Variants in GLIS3 observed in about 807,000 individuals in gnomAD.
The protein encoded by GLIS3 is zinc finger protein GLIS3.
GLIS3 carries 53 observed loss-of-function variants against 78.6 expected under a neutral mutation model. That is an observed-to-expected ratio of 0.67 (90% CI 0.54 to 0.85). The LOEUF (loss-of-function observed/expected upper bound fraction) is 0.85. Ranked by LOEUF, GLIS3 falls within the 40% of genes least tolerant of loss-of-function variation. The pLI, the probability that GLIS3 is intolerant of heterozygous loss-of-function variation, is 0.00. For missense variants in GLIS3, 1,703 were observed against 1,231.1 expected (o/e 1.38, Z -5.74); for synonymous variants, 684 against 509.9 (o/e 1.34, Z -4.60).
chr9:4,488,580 C>G, the GLIS3 span, among the ~76,000 whole-genome samples: 1 of 151,860 alleles, frequency 6.6e-6, no homozygotes, highest in African/African-American at 2.4e-5. Flanking sequence ...AGTGCTGCAG[C>G]GTGATCTCGG....
chr9:4,112,095 T>C (rs1586701588), intron 4 of GLIS3, among the ~76,000 whole-genome samples: 1 of 152,134 alleles, frequency 6.6e-6, no homozygotes, highest in Non-Finnish European at 1.5e-5. Context: ...GGTGACAAAT[T>C]TGTCAGTTCC....
chr9:4,094,704 T>C (rs1829801789), intron 4 of GLIS3, among the ~76,000 whole-genome samples: 1 of 152,198 alleles, frequency 6.6e-6, no homozygotes, highest in Admixed American at 6.5e-5. Context: ...ATTTCTTCTA[T>C]TCTAAGACAA....
intron 4 of GLIS3, among the ~76,000 whole-genome samples, chr9:4,086,735 G>A (rs2185406): frequency 3.3e-5 from 5 of 151,968 alleles, no homozygotes; most frequent in African/African-American, 1.2e-4. Context: ...AGCATGTGCC[G>A]GGCACTGTGC....
Position 3,953,777 on chromosome 9 carries a change from C to A in GLIS3, c.1711-16588G>T, listed in dbSNP as rs1563886412. 6.9e-3 allele frequency among the ~76,000 whole-genome samples: 263 copies of A among 38,128 alleles called. 2 individuals are homozygous for A. The highest frequency in any genetic ancestry group is 0.025 in the African/African-American group (249 of 9,880). 25.0% of individuals were successfully genotyped at this position (38,128 alleles called of 152,430 possible). A position where few individuals can be genotyped will look rare whatever the true frequency, so the allele number is the denominator to read the frequency against. ...TTAGATTTGCTCTCTCTCTCTCTCT[C>A]TCTCTCTCTCTCTCTCTCTATATAT... On this transcript the variant is annotated intron_variant, in intron 4 of 10. Coordinates refer to ENST00000381971, the MANE Select transcript of GLIS3 (RefSeq NM_001042413.2).
intron 4 of GLIS3, among the ~76,000 whole-genome samples, chr9:4,074,306 C>G (rs1057024667): frequency 3.9e-5 from 6 of 152,166 alleles, no homozygotes; most frequent in Admixed American, 3.9e-4. Flanking sequence ...ATCATCTGGG[C>G]TTTGTCAGAG....
chr9:4,118,283 C>G lies in GLIS3; in HGVS notation c.1195G>C (p.Glu399Gln), dbSNP rs1300472480. Residue 399 changes from glutamate (E) to glutamine (Q), a missense_variant, in exon 4 of 11, where the codon GAG (glutamate) becomes CAG (glutamine). Glu to Gln is a conservative substitution (Grantham distance 29). Transcript: ENST00000381971. The surrounding 1 kb of genome is among the most constrained non-coding windows in gnomAD (Gnocchi z 4.7). The part of the protein sequence containing the change: ...ALEHERMQQL[E>Q]HGGLQPGLVN... ...AGGCCTGGCTGCAGGCCGCCGTGCTCCAGCTGTTGCATGCGCTCGTGCTCC... is the reference window on the plus strand; with the variant it reads ...AGGCCTGGCTGCAGGCCGCCGTGCTGCAGCTGTTGCATGCGCTCGTGCTCC... The G allele has an allele frequency of 1.3e-6, 2 of 1,584,692 alleles. No individual in the cohort carries two copies. The highest frequency in any genetic ancestry group is 8.6e-7 in the Non-Finnish European group (1 of 1,166,684).
chr9:3,971,003 G>C (rs1341019979), intron 4 of GLIS3, among the ~76,000 whole-genome samples: 2 of 151,902 alleles, frequency 1.3e-5, no homozygotes. Flanking sequence ...GGGAGGGACG[G>C]AGAGAAGGAA....
At chr9:4,467,676 G>C in the GLIS3 span, among the ~76,000 whole-genome samples, 1 of 152,126 alleles carries the variant, frequency 6.6e-6, no homozygotes, top group Non-Finnish European at 1.5e-5. Context: ...CACAAAGATG[G>C]GGAGAAACCA....
intron 1 of GLIS3, among the ~76,000 whole-genome samples, chr9:4,287,282 G>C (rs1828083186): frequency 6.6e-6 from 1 of 152,160 alleles, no homozygotes; most frequent in Non-Finnish European, 1.5e-5. Flanking sequence ...AAAGTGACCT[G>C]TCCAGTATGT....
chr9:4,038,877 C>T (rs1824554544), intron 4 of GLIS3, among the ~76,000 whole-genome samples: 1 of 152,102 alleles, frequency 6.6e-6, no homozygotes, highest in Non-Finnish European at 1.5e-5. Flanking sequence ...ACAGACTGGG[C>T]TCCGCATAAC....
At chr9:4,110,344 T>A (rs1831109815) in intron 4 of GLIS3, among the ~76,000 whole-genome samples, 1 of 152,202 alleles carries the variant, frequency 6.6e-6, no homozygotes, top group African/African-American at 2.4e-5. Flanking sequence ...TACCCAAGCA[T>A]ATTGCTCCTG....
At chr9:4,197,048 A>G (rs1818925274) in intron 2 of GLIS3, among the ~76,000 whole-genome samples, 1 of 151,890 alleles carries the variant, frequency 6.6e-6, no homozygotes, top group African/African-American at 2.4e-5. Context: ...GCTCTGCTCC[A>G]TGCCCAGGCA....
chr9:4,412,418 G>T, the GLIS3 span, among the ~76,000 whole-genome samples: 1 of 152,174 alleles, frequency 6.6e-6, no homozygotes, highest in African/African-American at 2.4e-5. Context: ...TTCTGAACTA[G>T]AGAGTATTCC....
chr9:4,461,283 T>C, the GLIS3 span, among the ~76,000 whole-genome samples: 2,596 of 152,298 alleles, frequency 0.017, 69 homozygotes, highest in African/African-American at 0.057. Context: ...GAAAGATGGA[T>C]CAATGCCCAT....
intron 2 of GLIS3, among the ~76,000 whole-genome samples, chr9:4,188,590 C>A (rs1023317094): frequency 6.6e-6 from 1 of 152,068 alleles, no homozygotes; most frequent in Non-Finnish European, 1.5e-5. Context: ...CCTCCTTGTA[C>A]CTCTGGTAGA....
At chr9:4,245,810 C>T (rs1344111769) in intron 2 of GLIS3, among the ~76,000 whole-genome samples, 1 of 152,078 alleles carries the variant, frequency 6.6e-6, no homozygotes, top group Non-Finnish European at 1.5e-5. Context: ...TAATAAAGTG[C>T]CCTGTATTGA....
chr9:4,107,245 C>T (rs1338452669), intron 4 of GLIS3, among the ~76,000 whole-genome samples: 2 of 152,132 alleles, frequency 1.3e-5, no homozygotes, highest in Admixed American at 1.3e-4. Context: ...TTCCTTGTGG[C>T]AGATACTATA....
the GLIS3 span, among the ~76,000 whole-genome samples, chr9:4,431,530 G>A: frequency 1.3e-5 from 2 of 152,084 alleles, no homozygotes; most frequent in Admixed American, 1.3e-4. Flanking sequence ...TAGTCCAGAG[G>A]CTGGCAAATG....
the GLIS3 span, among the ~76,000 whole-genome samples, chr9:4,437,532 G>C: frequency 6.7e-6 from 1 of 148,694 alleles, no homozygotes; most frequent in African/African-American, 2.6e-5. Flanking sequence ...CCATTTTACA[G>C]AGGACAAAAC....
Sources: gnomAD v4.1 joint callset for allele counts (sites outside exome capture counted in the v4.1 genomes callset) on GRCh38, gnomAD v4.1.1 for gene constraint, Gnocchi (gnomAD v3.1) non-coding constraint, MANE v1.5 for transcripts, NCBI Gene and HGNC (gene_info 2026-07-23, HGNC 2026-07-21) for gene names.